Variants in GFRA3 observed in about 807,000 individuals in gnomAD.
GFRA3 encodes the protein GDNF family receptor alpha 3, also known as GDNF family receptor alpha-3.
GFRA3 carries 24 observed loss-of-function variants against 40.0 expected under a neutral mutation model. The ratio of observed to expected loss-of-function variants is 0.60; its 90% CI spans 0.43 to 0.84. GFRA3 has a LOEUF of 0.84. Among genes scored for constraint, GFRA3 ranks in the 40% least tolerant of loss-of-function variants. GFRA3 has a pLI of 0.00. For synonymous variants in GFRA3, 203 were observed against 213.5 expected (o/e 0.95, Z 0.43); for missense variants, 405 against 530.6 (o/e 0.76, Z 2.33).
intron 6 of GFRA3, 79 bp downstream of exon 6, chr5:138,253,687 C>T: frequency 7.3e-7 from 1 of 1,365,838 alleles, no homozygotes; most frequent in Non-Finnish European, 1.0e-6. Flanking sequence ...CCAGCCTGGG[C>T]CACAGAGTCG....
chr5:138,262,518 T>C (rs1054161560), intron 2 of GFRA3, among the ~76,000 whole-genome samples: 7 of 152,260 alleles, frequency 4.6e-5, no homozygotes, highest in Middle Eastern at 3.4e-3. Context: ...AGTGGTGTGA[T>C]CATGGCTCAC....
At chr5:138,270,868 A>G (rs985239263) in intron 1 of GFRA3, among the ~76,000 whole-genome samples, 2 of 152,138 alleles carry the variant, frequency 1.3e-5, no homozygotes, top group African/African-American at 4.8e-5. Context: ...AAAGGGGAAC[A>G]TGGATTTAAA....
At chr5:138,257,244 C>T (rs532937069) in intron 4 of GFRA3, among the ~76,000 whole-genome samples, 1 of 152,226 alleles carries the variant, frequency 6.6e-6, no homozygotes, top group African/African-American at 2.4e-5. Context: ...CTCCACACCA[C>T]CTCCACAGAA....
chr5:138,271,903 T>TGTGTGTGTGTG (rs1452490281), intron 1 of GFRA3, among the ~76,000 whole-genome samples: 76 of 94,990 alleles, frequency 8.0e-4, no homozygotes, highest in Admixed American at 2.9e-3. Flanking sequence ...TTTTTTTTTT[T>TGTGTGTGTGTG]TTTTTTTTTT....
chr5:138,257,960 A>G lies in GFRA3; in HGVS notation c.473-9T>C, dbSNP rs540358342. The G allele has an allele frequency of 3.4e-5, 55 of 1,612,656 alleles. No individual in the cohort carries two copies. The African/African-American group carries it at 4.3e-4, about 13-fold the overall frequency. The stretch of plus-strand genomic sequence containing the variant: ...GAGGCAGAGGTCTGAGTCTGGGGGG[A>G]AAGGGCACGGAGTCAGTCGGCTGGG... On this transcript the variant is annotated splice_polypyrimidine_tract_variant and intron_variant, in intron 3 of 7. Coordinates refer to ENST00000274721, the MANE Select transcript of GFRA3 (RefSeq NM_001496.4).
At position 138,257,863 on chromosome 5, in the gene GFRA3, G is replaced by A. The variant is rs1445664052; in HGVS notation, c.561C>T (p.Ser187=). ...AGACGTGGCGCTGGCAGTGGGGCCC[G>A]GAGCACGCCTCCCCGTAGGCCTTGC... The part of the protein sequence containing the change: ...RLRKAYGEAC[S]GPHCQRHVCL... The change falls in exon 4 of 8, where the codon TCC becomes TCT. Residue 187 remains serine (S), a synonymous_variant. Transcript: ENST00000274721. 1 of 1,613,870 alleles carries A rather than the reference G, an allele frequency of 6.2e-7. No individual in the cohort carries two copies. The highest frequency in any genetic ancestry group is 8.5e-7 in the Non-Finnish European group (1 of 1,179,906).
chr5:138,255,275 C>A (rs1755611303), intron 4 of GFRA3, among the ~76,000 whole-genome samples: 1 of 152,058 alleles, frequency 6.6e-6, no homozygotes, highest in South Asian at 2.1e-4. Context: ...TTATTAAGAG[C>A]CCTGACTATA....
intron 1 of GFRA3, among the ~76,000 whole-genome samples, chr5:138,265,537 C>T (rs1755771754): frequency 6.6e-6 from 1 of 151,558 alleles, no homozygotes; most frequent in Admixed American, 6.6e-5. Flanking sequence ...TCTTTCACAG[C>T]CTGTGTTCAA....
chr5:138,252,790 T>G lies in GFRA3; in HGVS notation c.*178A>C. 2.0e-6 allele frequency: 1 copy of G among 494,916 alleles called. No individual in the cohort carries two copies. The highest frequency in any genetic ancestry group is 3.7e-6 in the Non-Finnish European group (1 of 270,398). 30.7% of individuals were successfully genotyped at this position (494,916 alleles called of 1,614,324 possible). ...GGGCAGCATGAATCAGAAGTGGAGA[T>G]GGGGTGGAGGGAATGAGGACTGGAC... On this transcript the variant is annotated 3_prime_UTR_variant, in exon 8 of 8. Transcript: ENST00000274721.
intron 1 of GFRA3, among the ~76,000 whole-genome samples, chr5:138,272,049 A>C (rs1279898871): frequency 2.8e-5 from 4 of 144,234 alleles, no homozygotes; most frequent in African/African-American, 7.8e-5. Context: ...TCTGTCACCC[A>C]GGCTGGAGTG....
chr5:138,262,824 T>A (rs569068028), intron 2 of GFRA3, among the ~76,000 whole-genome samples: 72 of 151,968 alleles, frequency 4.7e-4, no homozygotes, highest in Non-Finnish European at 9.0e-4. Flanking sequence ...ATATGCTGAG[T>A]ACGTATAGGA....
intron 1 of GFRA3, among the ~76,000 whole-genome samples, chr5:138,270,871 G>C (rs771552405): frequency 2.0e-5 from 3 of 151,960 alleles, no homozygotes; most frequent in Non-Finnish European, 4.4e-5. Flanking sequence ...GGGGAACATG[G>C]ATTTAAAAAG....
At chr5:138,254,713 C>T (rs1755601474) in intron 4 of GFRA3, among the ~76,000 whole-genome samples, 1 of 152,132 alleles carries the variant, frequency 6.6e-6, no homozygotes, top group African/African-American at 2.4e-5. Context: ...TATGAGATCT[C>T]AGATAGCTTC....
chr5:138,253,751 G>T lies in GFRA3; in HGVS notation c.1024+15C>A, dbSNP rs1686654386. The T allele has an allele frequency of 1.2e-6, 2 of 1,612,398 alleles. No individual in the cohort carries two copies. The highest frequency in any genetic ancestry group is 2.7e-5 in the African/African-American group (2 of 74,848). ...ACTCAGCCCCAGGGGCTGGGAGCAA[G>T]TACAGCACACTCACTGAGGCAGGGG... On this transcript the variant is annotated intron_variant, in intron 6 of 7. Transcript: ENST00000274721.
Position 138,252,900 on chromosome 5 carries a change from C to T in GFRA3, c.*68G>A, listed in dbSNP as rs937146774. The T allele has an allele frequency of 1.9e-5, 16 of 858,008 alleles. No individual in the cohort carries two copies. Among genetic ancestry groups the T allele is most frequent in the Non-Finnish European group, 3.2e-5 (16 of 504,546 alleles). The allele number at this position is 858,008 out of a possible 1,614,324, so 53.1% of individuals were successfully genotyped here. On this transcript the variant is annotated 3_prime_UTR_variant, in exon 8 of 8. Coordinates refer to ENST00000274721, the MANE Select transcript of GFRA3 (RefSeq NM_001496.4). ...ACCTCCTTCCTGCTGCTGTCCTTTC[C>T]TCACCCCTTGTGGGCTGCAAGTCCA...
Position 138,252,910 on chromosome 5 carries a change from G to T in GFRA3, c.*58C>A. 1.1e-6 allele frequency: 1 copy of T among 923,958 alleles called. No homozygotes were observed. The highest frequency in any genetic ancestry group is 1.8e-6 in the Non-Finnish European group (1 of 558,628). 57.2% of individuals were successfully genotyped at this position (923,958 alleles called of 1,614,324 possible). A position where few individuals can be genotyped will look rare whatever the true frequency, so the allele number is the denominator to read the frequency against. ...TGCTGCTGTCCTTTCCTCACCCCTT[G>T]TGGGCTGCAAGTCCACCTGGGTGTG... is the stretch of plus-strand genomic sequence containing the variant. On this transcript the variant is annotated 3_prime_UTR_variant, in exon 8 of 8. Transcript: ENST00000274721.
At position 138,253,315 on chromosome 5, in the gene GFRA3, T is replaced by C. The variant is rs776758644; in HGVS notation, c.1085A>G (p.His362Arg). 1.4e-5 allele frequency: 23 copies of C among 1,601,676 alleles called. No individual in the cohort carries two copies. The South Asian group carries it at 1.8e-4, about 13-fold the overall frequency. Residue 362 changes from histidine to arginine, a missense_variant, in exon 7 of 8, where the codon CAC (histidine) becomes CGC (arginine). Coordinates refer to ENST00000274721, the MANE Select transcript of GFRA3 (RefSeq NM_001496.4). ...GTGTGCCATCACAGCAAAGGTAGGG[T>C]GTGGCCAGTCCTGGGAGAAGAGTTG... ...HSQLFSQDWPHPTFAVMAHQN... is the reference protein window; with the variant it reads ...HSQLFSQDWPRPTFAVMAHQN...
At chr5:138,258,126 A>G (rs1039964714) in intron 3 of GFRA3, among the ~76,000 whole-genome samples, 175 bp from the exon 4 acceptor site, 1 of 144,120 alleles carries the variant, frequency 6.9e-6, no homozygotes, top group African/African-American at 2.6e-5. Context: ...CTCCCCACAA[A>G]CTCTACCTGC....
Position 138,274,358 on chromosome 5 carries a change from G to T in GFRA3, c.67C>A (p.Pro23Thr). The change falls in exon 1 of 8, where the codon CCG becomes ACG. Residue 23 changes from proline (P) to threonine (T), a missense_variant. Physicochemically the swap from Pro to Thr is conservative, Grantham distance 38. Coordinates refer to ENST00000274721, the MANE Select transcript of GFRA3 (RefSeq NM_001496.4). The part of the protein sequence containing the change: ...VVLMLLLLLP[P>T]SPLPLAAGDP... ...CCGGCTGCGAGAGGCAGCGGCGACG[G>T]CGGCAGCAGCAGCAGCAACATCAGG... is the stretch of plus-strand genomic sequence containing the variant. The T allele has an allele frequency of 7.5e-7, 1 of 1,336,730 alleles. No individual in the cohort carries two copies. 82.8% of individuals were successfully genotyped at this position (1,336,730 alleles called of 1,614,324 possible). A position where few individuals can be genotyped will look rare whatever the true frequency, so the allele number is the denominator to read the frequency against.
Sources: gnomAD v4.1 joint callset for allele counts (sites outside exome capture counted in the v4.1 genomes callset) on GRCh38, gnomAD v4.1.1 for gene constraint, MANE v1.5 for transcripts, NCBI Gene and HGNC (gene_info 2026-07-23, HGNC 2026-07-21) for gene names.